CAMK4: variants seen among roughly 807,000 people sequenced by gnomAD.
CAMK4 encodes the protein calcium/calmodulin-dependent protein kinase type IV.
CAMK4 carries 22 observed loss-of-function variants against 44.9 expected under a neutral mutation model. The observed-to-expected ratio is 0.49, with a 90% CI of 0.35 to 0.70. The LOEUF is 0.70. CAMK4 is among the 30% of genes least tolerant of loss of function. The pLI, the probability that CAMK4 is intolerant of heterozygous loss-of-function variation, is 0.01. For synonymous variants in CAMK4, 218 were observed against 215.4 expected, an observed-to-expected ratio of 1.01 and a Z score of -0.11; for missense variants, 498 against 586.8, an observed-to-expected ratio of 0.85 and a Z score of 1.56.
At position 111,486,998 on chromosome 5, in the gene CAMK4, T is replaced by C. The variant is rs926601286; in HGVS notation, c.*2532T>C. On this transcript the variant is annotated 3_prime_UTR_variant, in exon 11 of 11. Transcript: ENST00000282356. ...AATGTTGGTCATTTCAGTCAAATTA[T>C]TCAAAGATTTCATATACATACATCC... 1 of 152,236 alleles carries C rather than the reference T, an allele frequency of 6.6e-6. No homozygotes were observed. The highest frequency in any genetic ancestry group is 2.4e-5 in the African/African-American group (1 of 41,454). The allele number at this position is 152,236 out of a possible 1,614,324, so 9.4% of individuals were successfully genotyped here. A position where few individuals can be genotyped will look rare whatever the true frequency, so the allele number is the denominator to read the frequency against.
chr5:111,322,745 A>G (rs1395771869), intron 1 of CAMK4, among the ~76,000 whole-genome samples: 2 of 152,118 alleles, frequency 1.3e-5, no homozygotes, highest in African/African-American at 4.8e-5. Context: ...TTATTAATAT[A>G]TTCAAGAACA....
intron 4 of CAMK4, among the ~76,000 whole-genome samples, chr5:111,382,171 A>G (rs1473627513): frequency 6.6e-6 from 1 of 152,164 alleles, no homozygotes; most frequent in African/African-American, 2.4e-5. Context: ...TTGAGGTATT[A>G]TTATCCATAT....
In CAMK4 at chr5:111,290,695, C is replaced by T. The variant is rs1192922041; in HGVS notation, c.162-53329C>T. On this transcript the variant is annotated intron_variant, in intron 1 of 10. Transcript: ENST00000282356. This position sits in a 1 kb window ranked among gnomAD's most constrained non-coding sequence, Gnocchi z 4.5. ...TCCACATTTGTGAGTTGCATATGTG[C>T]GGGTGCCATGGGGTCGAGTGATGGA... Among the ~76,000 whole-genome samples, 3 of 151,994 alleles carry T rather than the reference C, an allele frequency of 2.0e-5. No individual in the cohort carries two copies. The highest frequency in any genetic ancestry group is 2.1e-4 in the South Asian group (1 of 4,818).
At chr5:111,337,232 C>G (rs1375422207) in intron 1 of CAMK4, among the ~76,000 whole-genome samples, 1 of 151,106 alleles carries the variant, frequency 6.6e-6, no homozygotes, top group East Asian at 1.9e-4. Flanking sequence ...GGATGTATCA[C>G]AAATTGTTAA....
chr5:111,293,283 A>T (rs1269487551), intron 1 of CAMK4, among the ~76,000 whole-genome samples: 1 of 152,208 alleles, frequency 6.6e-6, no homozygotes, highest in African/African-American at 2.4e-5. Context: ...TTGGCAGAAC[A>T]CCTTCAGTTA....
intron 7 of CAMK4, among the ~76,000 whole-genome samples, chr5:111,451,927 T>C (rs1361712313): frequency 3.3e-5 from 5 of 152,178 alleles, no homozygotes; most frequent in Middle Eastern, 3.2e-3. Flanking sequence ...TCCTTGGTCA[T>C]TGGCAGAAAT....
At chr5:111,452,728 A>AT (rs1754279917) in intron 7 of CAMK4, among the ~76,000 whole-genome samples, 1 of 152,138 alleles carries the variant, frequency 6.6e-6, no homozygotes, top group South Asian at 2.1e-4. Flanking sequence ...TTCTATTATT[A>AT]TTTTCTCTTG....
At chr5:111,231,029 T>C (rs1748449512) in intron 1 of CAMK4, among the ~76,000 whole-genome samples, 1 of 152,206 alleles carries the variant, frequency 6.6e-6, no homozygotes, top group South Asian at 2.1e-4. Flanking sequence ...TATATTGATC[T>C]TTACCTCAGT....
chr5:111,452,132 G>A (rs1208505814), intron 7 of CAMK4, among the ~76,000 whole-genome samples: 1 of 152,202 alleles, frequency 6.6e-6, no homozygotes, highest in East Asian at 1.9e-4. Flanking sequence ...GTGAAGAAGT[G>A]GCCACAGGGC....
intron 1 of CAMK4, among the ~76,000 whole-genome samples, chr5:111,295,866 G>A (rs1220125539): frequency 6.6e-6 from 1 of 152,154 alleles, no homozygotes; most frequent in Admixed American, 6.5e-5. Context: ...AAGTGAGGTT[G>A]AAGCATATAA....
intron 5 of CAMK4, among the ~76,000 whole-genome samples, chr5:111,432,324 TAG>T (rs1417466851): frequency 2.0e-5 from 3 of 151,926 alleles, no homozygotes; most frequent in Admixed American, 2.0e-4. Context: ...CTCATGGACA[TAG>T]AGAGTAGAAG....
intron 2 of CAMK4, among the ~76,000 whole-genome samples, chr5:111,350,233 T>A (rs1329289377): frequency 2.0e-5 from 3 of 152,096 alleles, no homozygotes; most frequent in African/African-American, 7.2e-5. Context: ...AAGCATGTAA[T>A]ATACATGATG....
At chr5:111,267,131 C>A (rs528871452) in intron 1 of CAMK4, among the ~76,000 whole-genome samples, 5 of 152,178 alleles carry the variant, frequency 3.3e-5, no homozygotes, top group African/African-American at 7.2e-5. Flanking sequence ...TCTCTGAGAG[C>A]TTCCTTGTTG....
intron 1 of CAMK4, among the ~76,000 whole-genome samples, chr5:111,311,501 A>C (rs2921537): frequency 0.93 from 142,337 of 152,244 alleles, 66,658 homozygotes; most frequent in East Asian, 1. Flanking sequence ...GAAGAGAGTA[A>C]AAAGCCTATG....
intron 4 of CAMK4, among the ~76,000 whole-genome samples, chr5:111,387,241 C>T (rs60279473): frequency 0.013 from 2,045 of 152,240 alleles, 41 homozygotes; most frequent in African/African-American, 0.047. Context: ...TTCGTTGCTT[C>T]TAAAACTCAG....
chr5:111,260,151 G>A (rs1157606298), intron 1 of CAMK4, among the ~76,000 whole-genome samples: 1 of 152,080 alleles, frequency 6.6e-6, no homozygotes, highest in African/African-American at 2.4e-5. Context: ...GTTCACTTGT[G>A]TTCCCCCATC....
chr5:111,371,667 A>C (rs979299359), intron 2 of CAMK4, among the ~76,000 whole-genome samples: 13 of 152,284 alleles, frequency 8.5e-5, no homozygotes, highest in Non-Finnish European at 8.8e-5. Context: ...GTTCAATAAA[A>C]CACATTTTTT....
intron 1 of CAMK4, among the ~76,000 whole-genome samples, chr5:111,309,780 T>C (rs1213086557): frequency 6.6e-6 from 1 of 152,064 alleles, no homozygotes; most frequent in Admixed American, 6.5e-5. Context: ...AAAAAGTGAG[T>C]TGAAATAAAT....
At chr5:111,391,801 A>G (rs1751811537) in intron 4 of CAMK4, among the ~76,000 whole-genome samples, 1 of 152,216 alleles carries the variant, frequency 6.6e-6, no homozygotes, top group South Asian at 2.1e-4. Flanking sequence ...TGTTTTTCAT[A>G]AAACATGTCT....
Sources: gnomAD v4.1 joint callset for allele counts (sites outside exome capture counted in the v4.1 genomes callset) on GRCh38, gnomAD v4.1.1 for gene constraint, Gnocchi (gnomAD v3.1) non-coding constraint, MANE v1.5 for transcripts, NCBI Gene and HGNC (gene_info 2026-07-23, HGNC 2026-07-21) for gene names.